The following USP34 variants were observed in gnomAD, a reference collection of about 807,000 sequenced individuals.
The protein encoded by USP34 is ubiquitin carboxyl-terminal hydrolase 34.
Under a neutral mutation model 460.3 loss-of-function variants are expected in USP34, and 70 were observed. The ratio of observed to expected loss-of-function variants is 0.15; its 90% confidence interval spans 0.13 to 0.19. The LOEUF (loss-of-function observed/expected upper bound fraction) is 0.19. USP34 is among the 10% of genes least tolerant of loss of function. USP34 has a pLI of 1.00. For synonymous variants in USP34, 1,647 were observed against 1,405.3 expected (o/e 1.17, Z -3.85); for missense variants, 3,985 against 4,236.2 (o/e 0.94, Z 1.65).
At chr2:61,204,772 A>G (rs1687068969) in intron 72 of USP34, among the ~76,000 whole-genome samples, 171 bp from the exon 73 acceptor site, 1 of 152,248 alleles carries the variant, frequency 6.6e-6, no homozygotes, top group South Asian at 2.1e-4. Flanking sequence ...GTTTAGATCA[A>G]CAGAGTTATT....
intron 1 of USP34, among the ~76,000 whole-genome samples, chr2:61,468,384 T>C (rs142218771): frequency 0.012 from 1,807 of 152,266 alleles, 27 homozygotes; most frequent in Middle Eastern, 0.024. Flanking sequence ...GGTTTCTCCA[T>C]GTTAGTCAGG....
Position 61,221,562 on chromosome 2 carries a change from A to G in USP34, c.7839T>C (p.Phe2613=), listed in dbSNP as rs1042214588. ...GAGGCATTCCTGGAGGTCCACCAGC[A>G]AACTCCATTAGCATAGTCAACAACT... is the stretch of plus-strand genomic sequence containing the variant. The part of the protein sequence containing the change: ...FFKLLTMLME[F]AGGPPGMPPF... Residue 2613 remains phenylalanine (F), a synonymous_variant, in exon 66 of 80, where the codon TTT becomes TTC. Coordinates refer to ENST00000398571, the MANE Select transcript of USP34 (RefSeq NM_014709.4). The G allele has an allele frequency of 6.2e-7, 1 of 1,614,142 alleles. No individual in the cohort carries two copies. The highest frequency in any genetic ancestry group is 8.5e-7 in the Non-Finnish European group (1 of 1,179,978).
In USP34 at chr2:61,281,982, ATTTTG is replaced by A. The variant is rs777429340; in HGVS notation, c.4999-745_4999-741del. Among the ~76,000 whole-genome samples the A allele has an allele frequency of 1.1e-4, 16 of 152,108 alleles. No homozygotes were observed. In the East Asian group the frequency reaches 1.2e-3, roughly 11 times the overall value. On this transcript the variant is annotated intron_variant, in intron 37 of 79. Coordinates refer to ENST00000398571, the MANE Select transcript of USP34 (RefSeq NM_014709.4). ...ACAAATGACATTATATCCAGAACTA[ATTTTG>A]TTTTGTTTTGTTTTGTTTTTAAGAC...
intron 10 of USP34, among the ~76,000 whole-genome samples, chr2:61,357,247 C>G (rs946399998): frequency 6.6e-6 from 1 of 152,100 alleles, no homozygotes; most frequent in Non-Finnish European, 1.5e-5. Context: ...TGTTTCTCTA[C>G]CCACAGCAGG....
intron 3 of USP34, among the ~76,000 whole-genome samples, chr2:61,395,652 G>A (rs1693496067): frequency 6.7e-6 from 1 of 149,804 alleles, no homozygotes; most frequent in Non-Finnish European, 1.5e-5. Flanking sequence ...CGGGCGCAGT[G>A]GCGGGCGCCT....
rs1460353329 is a variant in USP34, at chr2:61,223,076, T to C, written c.7733A>G (p.Asn2578Ser). The C allele has an allele frequency of 6.2e-7, 1 of 1,613,382 alleles. No homozygotes were observed. Among genetic ancestry groups the C allele is most frequent in the South Asian group, 1.1e-5 (1 of 91,000 alleles). Residue 2578 changes from asparagine to serine, a missense_variant, in exon 64 of 80, where the codon AAT becomes AGT. Asn to Ser is a conservative substitution (Grantham distance 46, BLOSUM62 1). Transcript: ENST00000398571. The stretch of plus-strand genomic sequence containing the variant: ...AGCACTTACATGTTCTGCAAGTCGA[T>C]TATTGTATCGACACAGGCTGAAAAT... ...NLIFSLCRYN[N>S]RLAEHIVSML...
chr2:61,236,673 A>C (rs1688078224), intron 53 of USP34, among the ~76,000 whole-genome samples: 1 of 152,234 alleles, frequency 6.6e-6, no homozygotes, highest in African/African-American at 2.4e-5. Context: ...AAGAGCAAGT[A>C]TATAATTGAA....
intron 75 of USP34, among the ~76,000 whole-genome samples, chr2:61,196,043 A>G (rs1038124877): frequency 1.1e-4 from 15 of 137,166 alleles, no homozygotes; most frequent in African/African-American, 3.0e-4. Context: ...AGTAGCTGGG[A>G]CTACAGGTAT....
intron 23 of USP34, among the ~76,000 whole-genome samples, chr2:61,316,661 G>C (rs963161202): frequency 3.3e-5 from 5 of 152,028 alleles, no homozygotes; most frequent in Admixed American, 6.6e-5. Context: ...AAGGCGGGTG[G>C]ATCACCTGAC....
chr2:61,289,547 A>G (rs758081204), intron 33 of USP34, among the ~76,000 whole-genome samples: 1 of 152,082 alleles, frequency 6.6e-6, no homozygotes, highest in African/African-American at 2.4e-5. Flanking sequence ...CTTTTTCTTC[A>G]AAAGTTCTTA....
chr2:61,220,468 C>T lies in USP34; in HGVS notation c.7900-11G>A. 3 of 1,603,238 alleles carry T rather than the reference C, an allele frequency of 1.9e-6. No individual in the cohort carries two copies. The highest frequency in any genetic ancestry group is 2.6e-6 in the Non-Finnish European group (3 of 1,175,440). ...ATTGTATTCAATCACCTACAAATAACATGACAAGAACAGAATATAAGGCCA... is the reference window on the plus strand; with the variant it reads ...ATTGTATTCAATCACCTACAAATAATATGACAAGAACAGAATATAAGGCCA... On this transcript the variant is annotated splice_polypyrimidine_tract_variant and intron_variant, in intron 66 of 79. Coordinates refer to ENST00000398571, the MANE Select transcript of USP34 (RefSeq NM_014709.4).
chr2:61,284,042 A>ATTGTATGT (rs1461319381), intron 35 of USP34, among the ~76,000 whole-genome samples: 1 of 152,284 alleles, frequency 6.6e-6, no homozygotes, highest in African/African-American at 2.4e-5. Context: ...ATAAAAATAT[A>ATTGTATGT]TTGTATGTTT....
At chr2:61,420,041 T>C (rs1488238154) in intron 2 of USP34, among the ~76,000 whole-genome samples, 1 of 152,234 alleles carries the variant, frequency 6.6e-6, no homozygotes, top group African/African-American at 2.4e-5. Context: ...AGCTAAACTC[T>C]ATGTTCAGCT....
At chr2:61,308,467 A>T (rs1311610778) in intron 27 of USP34, among the ~76,000 whole-genome samples, 2 of 152,140 alleles carry the variant, frequency 1.3e-5, no homozygotes, top group African/African-American at 2.4e-5. Context: ...AGAAACATAG[A>T]AAAGATAAAT....
chr2:61,377,098 T>C (rs1031109026), intron 8 of USP34, among the ~76,000 whole-genome samples: 9 of 152,196 alleles, frequency 5.9e-5, no homozygotes, highest in African/African-American at 2.2e-4. Flanking sequence ...TTGCCAGAGA[T>C]GAATAACTCA....
In USP34 at chr2:61,420,966, G is replaced by C. The variant is rs1694336948; in HGVS notation, c.44-133C>G. The C allele has an allele frequency of 4.7e-5, 28 of 592,642 alleles. No homozygotes were observed. In the South Asian group the frequency reaches 7.5e-4, roughly 16 times the overall value. 36.7% of individuals were successfully genotyped at this position (592,642 alleles called of 1,614,324 possible). A position where few individuals can be genotyped will look rare whatever the true frequency, so the allele number is the denominator to read the frequency against. On this transcript the variant is annotated intron_variant, in intron 1 of 79. Coordinates refer to ENST00000398571, the MANE Select transcript of USP34 (RefSeq NM_014709.4). ...ATTCTTTTGCTTCCAAAGAAAATAA[G>C]TCTACTTTTAATTAATAACTCATAT... is the stretch of plus-strand genomic sequence containing the variant.
In USP34 at chr2:61,187,934, T is replaced by C. The variant is rs1686487868; in HGVS notation, c.*168A>G. 7.0e-7 allele frequency: 1 copy of C among 1,432,372 alleles called. No homozygotes were observed. Among genetic ancestry groups the C allele is most frequent in the Non-Finnish European group, 9.2e-7 (1 of 1,091,264 alleles). 88.7% of individuals were successfully genotyped at this position (1,432,372 alleles called of 1,614,324 possible). A position where few individuals can be genotyped will look rare whatever the true frequency, so the allele number is the denominator to read the frequency against. On this transcript the variant is annotated 3_prime_UTR_variant, in exon 80 of 80. Transcript: ENST00000398571. Reference sequence around the variant, plus strand: ...GAAGTATACTGAAGATGCAAGTTTTTTTCATCTGGAGTTCTGCCTGACCAA... The same window carrying C: ...GAAGTATACTGAAGATGCAAGTTTTCTTCATCTGGAGTTCTGCCTGACCAA...
chr2:61,349,347 C>A (rs1285706993), intron 12 of USP34, 62 bp from the exon 13 acceptor site: 1 of 1,528,978 alleles, frequency 6.5e-7, no homozygotes. Flanking sequence ...TTTGAGACAG[C>A]GTATCAGTTG....
intron 41 of USP34, among the ~76,000 whole-genome samples, chr2:61,268,016 A>G (rs1271155620): frequency 6.6e-6 from 1 of 152,154 alleles, no homozygotes; most frequent in East Asian, 1.9e-4. Flanking sequence ...AGCCTCCCAA[A>G]GTGCTGGGAT....
Sources: allele counts gnomAD v4.1 joint callset (sites outside exome capture counted in the v4.1 genomes callset), GRCh38; gene constraint gnomAD v4.1.1; transcripts MANE v1.5; gene names NCBI Gene and HGNC (gene_info 2026-07-23, HGNC 2026-07-21).